The following OLA1 variants were observed in gnomAD, a reference collection of about 807,000 sequenced individuals.
OLA1 encodes obg-like ATPase 1.
OLA1 carries 14 observed loss-of-function variants against 48.4 expected under a neutral mutation model. The ratio of observed to expected loss-of-function variants is 0.29; its 90% CI spans 0.19 to 0.45. The LOEUF (loss-of-function observed/expected upper bound fraction) is 0.45. Ranked by LOEUF, OLA1 falls within the 20% of genes least tolerant of loss-of-function variation. OLA1 has a pLI of 1.00. For synonymous variants in OLA1, 127 were observed against 150.4 expected (o/e 0.84, Z 1.14); for missense variants, 325 against 467.1 (o/e 0.70, Z 2.80).
intron 4 of OLA1, among the ~76,000 whole-genome samples, chr2:174,159,956 A>C (rs1473124144): frequency 6.6e-6 from 1 of 152,098 alleles, no homozygotes; most frequent in African/African-American, 2.4e-5. Context: ...ACTGAGATTT[A>C]TTTACTTCAT....
intron 4 of OLA1, among the ~76,000 whole-genome samples, chr2:174,144,733 G>A (rs561840896): frequency 4.0e-5 from 6 of 151,040 alleles, no homozygotes; most frequent in East Asian, 3.9e-4. Flanking sequence ...CAGGAGGATC[G>A]CCTGAGCTCA....
intron 7 of OLA1, among the ~76,000 whole-genome samples, chr2:174,105,526 T>A (rs1360016548): frequency 6.6e-6 from 1 of 152,038 alleles, no homozygotes; most frequent in Admixed American, 6.6e-5. Flanking sequence ...ATGTTCTGTT[T>A]TCTAGATTAA....
chr2:174,167,434 G>A (rs1343564335), intron 4 of OLA1, among the ~76,000 whole-genome samples: 3 of 152,100 alleles, frequency 2.0e-5, no homozygotes, highest in Non-Finnish European at 4.4e-5. Flanking sequence ...AAATTAGCTG[G>A]GCATGGTGGT....
At position 174,117,274 on chromosome 2, in the gene OLA1, T is replaced by C. The variant is rs372535791; in HGVS notation, c.728+5906A>G. Among the ~76,000 whole-genome samples, 4 of 152,348 alleles carry C rather than the reference T, an allele frequency of 2.6e-5. No individual in the cohort carries two copies. In the South Asian group the frequency reaches 8.3e-4, roughly 32 times the overall value. On this transcript the variant is annotated intron_variant, in intron 7 of 10. Coordinates refer to ENST00000284719, the MANE Select transcript of OLA1 (RefSeq NM_013341.5). Reference sequence around the variant, plus strand: ...ATAAGTAAATTTGGGAAACATTATTTATACAGAACACATTTTATATGAACA... The same window carrying C: ...ATAAGTAAATTTGGGAAACATTATTCATACAGAACACATTTTATATGAACA...
chr2:174,235,608 A>G (rs1331321135), intron 2 of OLA1, among the ~76,000 whole-genome samples: 1 of 152,208 alleles, frequency 6.6e-6, no homozygotes, highest in African/African-American at 2.4e-5. Flanking sequence ...CAAAGTCACC[A>G]TTCCAAGAGG....
At chr2:174,230,207 T>A (rs190453794) in intron 2 of OLA1, among the ~76,000 whole-genome samples, 131 of 152,036 alleles carry the variant, frequency 8.6e-4, no homozygotes, top group African/African-American at 2.7e-3. Context: ...GAAATAAAAT[T>A]TTAAAAATAA....
chr2:174,079,270 G>T (rs896266106), intron 9 of OLA1, 180 bp from the exon 10 acceptor site: 18 of 440,892 alleles, frequency 4.1e-5, no homozygotes, highest in African/African-American at 6.1e-5. Context: ...AGCAGATTTA[G>T]CATAGATCAG....
At chr2:174,137,105 G>A (rs1305884408) in intron 5 of OLA1, among the ~76,000 whole-genome samples, 1 of 152,132 alleles carries the variant, frequency 6.6e-6, no homozygotes, top group East Asian at 1.9e-4. Flanking sequence ...AATAAGATAG[G>A]AACATCAAAA....
At chr2:174,081,423 T>C (rs1684851106) in intron 8 of OLA1, among the ~76,000 whole-genome samples, 175 bp from the exon 9 acceptor site, 1 of 152,122 alleles carries the variant, frequency 6.6e-6, no homozygotes, top group African/African-American at 2.4e-5. Flanking sequence ...TTTAAAAACC[T>C]CTCTTCTAAA....
At chr2:174,177,013 T>C (rs1687437114) in intron 4 of OLA1, among the ~76,000 whole-genome samples, 2 of 152,242 alleles carry the variant, frequency 1.3e-5, no homozygotes, top group African/African-American at 4.8e-5. Flanking sequence ...GATCGTTAAC[T>C]ACCACAGGAG....
rs189929050 is a variant in OLA1 at position 174,214,162 on chromosome 2, G to A, written c.373+8871C>T. ...AGCCTGGCCAACATGGTAAAACCCC[G>A]TCTCTACTAAAAATTCAAAAATTGG... is the stretch of plus-strand genomic sequence containing the variant. On this transcript the variant is annotated intron_variant, in intron 4 of 10. Coordinates refer to ENST00000284719, the MANE Select transcript of OLA1 (RefSeq NM_013341.5). 2.8e-4 allele frequency among the ~76,000 whole-genome samples: 43 copies of A among 151,894 alleles called. 1 individual carries two copies. The East Asian group carries it at 6.8e-3, about 24-fold the overall frequency.
At chr2:174,161,386 A>C (rs551689641) in intron 4 of OLA1, among the ~76,000 whole-genome samples, 8 of 152,350 alleles carry the variant, frequency 5.3e-5, no homozygotes, top group Non-Finnish European at 1.2e-4. Flanking sequence ...AGTGGCCTAG[A>C]AATAAATGTA....
At chr2:174,187,441 T>G (rs182583049) in intron 4 of OLA1, among the ~76,000 whole-genome samples, 1 of 152,312 alleles carries the variant, frequency 6.6e-6, no homozygotes, top group South Asian at 2.1e-4. Flanking sequence ...CTTGCTATTT[T>G]CAAGGAGTGA....
At chr2:174,222,632 T>A (rs1298172899) in intron 4 of OLA1, among the ~76,000 whole-genome samples, 8 of 152,186 alleles carry the variant, frequency 5.3e-5, no homozygotes, top group African/African-American at 1.9e-4. Flanking sequence ...CCCAGAAGCC[T>A]TTCTCTGTTG....
chr2:174,110,522 G>C (rs1685624663), intron 7 of OLA1, among the ~76,000 whole-genome samples: 2 of 151,772 alleles, frequency 1.3e-5, no homozygotes, highest in Admixed American at 6.6e-5. Context: ...AAAGCTTACT[G>C]CAGCCTCGAA....
chr2:174,199,640 T>G (rs1687948909), intron 4 of OLA1, among the ~76,000 whole-genome samples: 1 of 152,178 alleles, frequency 6.6e-6, no homozygotes, highest in African/African-American at 2.4e-5. Flanking sequence ...AATATCTGTA[T>G]CACTCACCAA....
intron 4 of OLA1, among the ~76,000 whole-genome samples, chr2:174,143,989 G>T (rs180861699): frequency 6.8e-6 from 1 of 148,004 alleles, no homozygotes; most frequent in East Asian, 2.1e-4. Context: ...TTATACTCTT[G>T]GCTACTGGGG....
chr2:174,168,477 A>G (rs547586082), intron 4 of OLA1, among the ~76,000 whole-genome samples: 1 of 152,366 alleles, frequency 6.6e-6, no homozygotes, highest in Admixed American at 6.5e-5. Flanking sequence ...TGTCCAGGAT[A>G]CAATCTAAAA....
intron 5 of OLA1, among the ~76,000 whole-genome samples, chr2:174,140,111 C>T (rs1686409781): frequency 6.6e-6 from 1 of 151,850 alleles, no homozygotes; most frequent in Non-Finnish European, 1.5e-5. Flanking sequence ...AAAGATTACC[C>T]AGAAAATAAA....
Sources: allele counts gnomAD v4.1 joint callset (sites outside exome capture counted in the v4.1 genomes callset), GRCh38; gene constraint gnomAD v4.1.1; transcripts MANE v1.5; gene names NCBI Gene and HGNC (gene_info 2026-07-23, HGNC 2026-07-21).